Variants in TMEM123 observed in about 807,000 individuals in gnomAD.
TMEM123 encodes the protein transmembrane protein 123, also known as porimin.
TMEM123 carries 16 observed loss-of-function variants against 19.7 expected under a neutral mutation model. That is an observed-to-expected ratio of 0.81 (90% CI 0.55 to 1.23). The LOEUF (loss-of-function observed/expected upper bound fraction) is 1.23. TMEM123 is among the 50% of genes most tolerant of loss of function. The pLI, the probability that TMEM123 is intolerant of heterozygous loss-of-function variation, is 0.00. For missense variants in TMEM123, 313 were observed against 257.8 expected, an observed-to-expected ratio of 1.21 and a Z score of -1.47; for synonymous variants, 118 against 99.4, an observed-to-expected ratio of 1.19 and a Z score of -1.12.
chr11:102,436,744 G>GGCTA (rs1857766844), intron 2 of TMEM123, among the ~76,000 whole-genome samples: 1 of 152,186 alleles, frequency 6.6e-6, no homozygotes, highest in African/African-American at 2.4e-5. Context: ...ATTTTAGTCT[G>GGCTA]AAAGAAGGAA....
chr11:102,435,110 C>A (rs1186537273), intron 2 of TMEM123, among the ~76,000 whole-genome samples: 1 of 151,910 alleles, frequency 6.6e-6, no homozygotes, highest in Non-Finnish European at 1.5e-5. Context: ...GAGGCCAAGG[C>A]AGAAGGATTG....
At chr11:102,449,918 GTTT>G (rs1163935895) in intron 1 of TMEM123, among the ~76,000 whole-genome samples, 1 of 152,196 alleles carries the variant, frequency 6.6e-6, no homozygotes, top group African/African-American at 2.4e-5. Flanking sequence ...GGACCAGATA[GTTT>G]GATTCCTAAG....
intron 4 of TMEM123, 88 bp from the exon 5 acceptor site, chr11:102,398,979 G>A: frequency 1.6e-6 from 2 of 1,229,162 alleles, no homozygotes; most frequent in Non-Finnish European, 2.3e-6. Flanking sequence ...AGTAGGATTA[G>A]AACAATTTCA....
At chr11:102,416,689 C>T (rs775245873) in intron 2 of TMEM123, among the ~76,000 whole-genome samples, 5 of 151,922 alleles carry the variant, frequency 3.3e-5, no homozygotes, top group Non-Finnish European at 5.9e-5. Flanking sequence ...GGCAAAGACA[C>T]AACAAAAAAA....
intron 2 of TMEM123, among the ~76,000 whole-genome samples, chr11:102,424,219 A>G (rs1048916644): frequency 8.5e-5 from 13 of 152,216 alleles, no homozygotes; most frequent in African/African-American, 3.1e-4. Flanking sequence ...AAAGACCCCT[A>G]CGTATTTATA....
intron 2 of TMEM123, among the ~76,000 whole-genome samples, chr11:102,408,649 C>T (rs1565348271): frequency 6.6e-6 from 1 of 152,188 alleles, no homozygotes; most frequent in Non-Finnish European, 1.5e-5. Flanking sequence ...CCATTAATTT[C>T]ATTAAATGTA....
chr11:102,413,983 G>C (rs1952025146), intron 2 of TMEM123, among the ~76,000 whole-genome samples: 1 of 152,120 alleles, frequency 6.6e-6, no homozygotes, highest in South Asian at 2.1e-4. Context: ...TGACACAAGG[G>C]CTGAAACACA....
At chr11:102,428,273 C>A (rs928543171) in intron 2 of TMEM123, among the ~76,000 whole-genome samples, 1 of 151,938 alleles carries the variant, frequency 6.6e-6, no homozygotes, top group Non-Finnish European at 1.5e-5. Context: ...ATAATCTTAA[C>A]CTATATTCTT....
At chr11:102,399,621 A>G (rs1951892377) in intron 4 of TMEM123, among the ~76,000 whole-genome samples, 1 of 152,248 alleles carries the variant, frequency 6.6e-6, no homozygotes, top group South Asian at 2.1e-4. Context: ...TGGAAGCTAA[A>G]GTGAGTTTGA....
chr11:102,448,894 T>C, intron 1 of TMEM123, 26 bp from the exon 2 acceptor site: 1 of 1,610,950 alleles, frequency 6.2e-7, no homozygotes, highest in Non-Finnish European at 8.5e-7. Flanking sequence ...AATATCCTGT[T>C]ATGAAAGAAC....
At chr11:102,414,735 C>T (rs1030304183) in intron 2 of TMEM123, among the ~76,000 whole-genome samples, 1 of 152,128 alleles carries the variant, frequency 6.6e-6, no homozygotes, top group Non-Finnish European at 1.5e-5. Flanking sequence ...TACAAGCCAC[C>T]ACAAGAACAC....
intron 2 of TMEM123, among the ~76,000 whole-genome samples, chr11:102,441,798 C>CACTA (rs1857829105): frequency 6.6e-6 from 1 of 150,490 alleles, no homozygotes; most frequent in African/African-American, 2.4e-5. Flanking sequence ...ATTGATAGAC[C>CACTA]ACTAGCAAGA....
intron 2 of TMEM123, among the ~76,000 whole-genome samples, chr11:102,423,635 G>A (rs984179818): frequency 2.6e-5 from 4 of 152,164 alleles, no homozygotes; most frequent in East Asian, 3.8e-4. Context: ...GATAATAAGC[G>A]TAGTTTTAAA....
At chr11:102,449,168 A>C (rs1169126967) in intron 1 of TMEM123, 25 of 302,108 alleles carry the variant, frequency 8.3e-5, no homozygotes, top group Admixed American at 4.7e-4. Context: ...TACCCACACA[A>C]TTGGGGACAG....
intron 2 of TMEM123, among the ~76,000 whole-genome samples, chr11:102,426,970 T>C (rs570560784): frequency 2.7e-5 from 4 of 150,510 alleles, no homozygotes; most frequent in African/African-American, 7.3e-5. Context: ...AGTTGGGATA[T>C]TGCCAAACCA....
At chr11:102,411,116 G>T (rs1952000506) in intron 2 of TMEM123, among the ~76,000 whole-genome samples, 1 of 152,118 alleles carries the variant, frequency 6.6e-6, no homozygotes, top group African/African-American at 2.4e-5. Context: ...AACTGCCATA[G>T]CATAGGGCCC....
At chr11:102,410,542 A>C (rs1951996122) in intron 2 of TMEM123, among the ~76,000 whole-genome samples, 1 of 149,862 alleles carries the variant, frequency 6.7e-6, no homozygotes, top group Non-Finnish European at 1.5e-5. Context: ...AATCACAGCC[A>C]CAAGAGCATC....
At chr11:102,428,181 T>C (rs1026725976) in intron 2 of TMEM123, among the ~76,000 whole-genome samples, 6 of 152,226 alleles carry the variant, frequency 3.9e-5, no homozygotes, top group Non-Finnish European at 7.4e-5. Flanking sequence ...ATTTAAAAGG[T>C]TTTTCTTAGT....
intron 2 of TMEM123, among the ~76,000 whole-genome samples, chr11:102,403,992 T>C (rs1951933416): frequency 2.6e-5 from 4 of 152,206 alleles, no homozygotes; most frequent in Admixed American, 1.3e-4. Flanking sequence ...AACCTTGAGC[T>C]AAATAAACAT....
Sources: gnomAD v4.1 joint callset for allele counts (sites outside exome capture counted in the v4.1 genomes callset) on GRCh38, gnomAD v4.1.1 for gene constraint, MANE v1.5 for transcripts, NCBI Gene and HGNC (gene_info 2026-07-23, HGNC 2026-07-21) for gene names.